RAD52: variants seen among roughly 807,000 people sequenced by gnomAD.
The protein encoded by RAD52 is RAD52 DNA repair protein.
Under a neutral mutation model 55.5 loss-of-function variants are expected in RAD52, and 47 were observed. The ratio of observed to expected loss-of-function variants is 0.85; its 90% CI spans 0.67 to 1.08. RAD52 has a LOEUF of 1.08. Among genes scored for constraint, RAD52 ranks in the 50% least tolerant of loss-of-function variants. RAD52 has a pLI of 0.00. For missense variants in RAD52, 468 were observed against 522.8 expected, an observed-to-expected ratio of 0.90 and a Z score of 1.02; for synonymous variants, 184 against 198.9, an observed-to-expected ratio of 0.92 and a Z score of 0.63.
intron 1 of RAD52, 112 bp downstream of exon 1, chr12:949,490 A>T (rs1958447945): frequency 6.6e-6 from 1 of 152,554 alleles, no homozygotes; most frequent in East Asian, 1.9e-4. Flanking sequence ...CTGAGACCTC[A>T]GGATCAGGTC....
At chr12:940,560 C>T (rs1245456404) in intron 1 of RAD52, among the ~76,000 whole-genome samples, 1 of 151,886 alleles carries the variant, frequency 6.6e-6, no homozygotes, top group Non-Finnish European at 1.5e-5. Context: ...TTGCAGTGAG[C>T]CAAGATTGCG....
chr12:927,099 G>C, intron 6 of RAD52, 46 bp downstream of exon 6: 1 of 1,574,382 alleles, frequency 6.4e-7, no homozygotes, highest in Non-Finnish European at 8.7e-7. Flanking sequence ...CTGCTCTGAA[G>C]CAAGAGCTGA....
At chr12:924,428 A>C (rs1461563845) in intron 7 of RAD52, among the ~76,000 whole-genome samples, 1 of 152,254 alleles carries the variant, frequency 6.6e-6, no homozygotes, top group Non-Finnish European at 1.5e-5. Context: ...AAGTCTAACA[A>C]AATATTAGCA....
At chr12:950,904 C>T (rs1017602813), upstream of RAD52, among the ~76,000 whole-genome samples, 1 of 152,076 alleles carries the variant, frequency 6.6e-6, no homozygotes, top group Non-Finnish European at 1.5e-5. Flanking sequence ...CCCCCAGCCC[C>T]TTATTCCCCA....
intron 1 of RAD52, among the ~76,000 whole-genome samples, chr12:984,482 G>T (rs1165494992): frequency 6.6e-6 from 1 of 152,022 alleles, no homozygotes; most frequent in Non-Finnish European, 1.5e-5. Context: ...ATATGCATGT[G>T]AGCCACCGTG....
chr12:930,245 G>A (rs1359812257), intron 3 of RAD52, 101 bp from the exon 4 acceptor site: 4 of 968,242 alleles, frequency 4.1e-6, no homozygotes, highest in Admixed American at 4.8e-5. Flanking sequence ...TACTTTTTTC[G>A]ATAAACTGTC....
intron 5 of RAD52, among the ~76,000 whole-genome samples, chr12:927,858 T>A (rs746964155): frequency 1.3e-4 from 20 of 151,308 alleles, no homozygotes; most frequent in Non-Finnish European, 2.4e-4. Flanking sequence ...AGAGTGAGAC[T>A]ACGTCTTGGA....
upstream of RAD52, among the ~76,000 whole-genome samples, chr12:950,422 T>A (rs1958496527): frequency 6.6e-6 from 1 of 151,116 alleles, no homozygotes; most frequent in Admixed American, 6.6e-5. Context: ...ATACAAAAAA[T>A]TAGCCGGGCG....
At chr12:916,115 A>T in intron 9 of RAD52, 4 of 1,195,650 alleles carry the variant, frequency 3.3e-6, no homozygotes, top group Non-Finnish European at 4.3e-6. Context: ...AGGCCCACTT[A>T]GTTCCACGGG....
intron 1 of RAD52, among the ~76,000 whole-genome samples, chr12:973,214 C>T (rs543616465): frequency 5.3e-5 from 8 of 151,954 alleles, no homozygotes; most frequent in African/African-American, 9.7e-5. Flanking sequence ...GGACTACAGG[C>T]GCCCGCCACC....
At chr12:985,622 A>G (rs929770923) in intron 1 of RAD52, among the ~76,000 whole-genome samples, 1 of 152,160 alleles carries the variant, frequency 6.6e-6, no homozygotes, top group African/African-American at 2.4e-5. Context: ...TATGGGTTCA[A>G]CTTCATTCTT....
chr12:949,901 T>G (rs183863115), upstream of RAD52, among the ~76,000 whole-genome samples: 1 of 152,184 alleles, frequency 6.6e-6, no homozygotes. Flanking sequence ...GCCGCTTCCC[T>G]GCGCGCCCTC....
At chr12:982,965 T>G (rs191719341) in intron 1 of RAD52, among the ~76,000 whole-genome samples, 1 of 152,258 alleles carries the variant, frequency 6.6e-6, no homozygotes, top group African/African-American at 2.4e-5. Flanking sequence ...TTCTCTTGCC[T>G]CAGCCTCCCC....
chr12:911,859 C>T lies in RAD52; in HGVS notation c.*1532G>A, dbSNP rs1310769015. On this transcript the variant is annotated 3_prime_UTR_variant, in exon 12 of 12. Coordinates refer to ENST00000358495, the MANE Select transcript of RAD52 (RefSeq NM_134424.4). ...ACATGGAGAAACCCCGTCTCCTCTA[C>T]TAAAAATACAAAAATTAGTCGGGCG... 7.3e-6 allele frequency among the ~76,000 whole-genome samples: 1 copy of T among 137,494 alleles called. No homozygotes were observed. The highest frequency in any genetic ancestry group is 1.6e-5 in the Non-Finnish European group (1 of 62,392). The allele number at this position is 137,494 out of a possible 152,430, so 90.2% of individuals were successfully genotyped here. A position where few individuals can be genotyped will look rare whatever the true frequency, so the allele number is the denominator to read the frequency against.
chr12:929,454 A>G (rs370615062), intron 5 of RAD52, among the ~76,000 whole-genome samples: 2 of 152,194 alleles, frequency 1.3e-5, no homozygotes, highest in African/African-American at 2.4e-5. Context: ...GTTTTCATCA[A>G]TGTTATAACA....
chr12:978,015 G>A (rs1199828885), intron 1 of RAD52, among the ~76,000 whole-genome samples: 1 of 152,208 alleles, frequency 6.6e-6, no homozygotes, highest in Admixed American at 6.5e-5. Context: ...TACAATGACA[G>A]TGACATTGAC....
rs1231485203 is a variant in RAD52 at position 912,737 on chromosome 12, AAAAAAAAAC to A, written c.*645_*653del. The A allele has an allele frequency of 8.3e-4, 116 of 139,308 alleles. 2 individuals carry two copies. Among genetic ancestry groups the A allele is most frequent in the African/African-American group, 2.6e-3 (89 of 34,564 alleles). The allele number at this position is 139,308 out of a possible 1,614,324, so 8.6% of individuals were successfully genotyped here. ...GACCCCGTCTCAAAAAAAAAAAAAA[AAAAAAAAAC>A]AAAAAACAGCCTTTTTTCGTGGTCT... On this transcript the variant is annotated 3_prime_UTR_variant, in exon 12 of 12. Coordinates refer to ENST00000358495, the MANE Select transcript of RAD52 (RefSeq NM_134424.4).
Position 970,290 on chromosome 12 carries a change from G to A in RAD52, c.-19+19519C>T, listed in dbSNP as rs1413000052. Among the ~76,000 whole-genome samples, 8 of 122,102 alleles carry A rather than the reference G, an allele frequency of 6.6e-5. No homozygotes were observed. The Admixed American group carries it at 7.7e-4, about 12-fold the overall frequency. The allele number at this position is 122,102 out of a possible 152,430, so 80.1% of individuals were successfully genotyped here. A position where few individuals can be genotyped will look rare whatever the true frequency, so the allele number is the denominator to read the frequency against. ...GTTGAGATGGCACTACTGCACTCCA[G>A]CCTGGGCAACAGAACAAGACATCAT... On this transcript the variant is annotated intron_variant, in intron 1 of 11. Transcript: ENST00000430095.
intron 1 of RAD52, among the ~76,000 whole-genome samples, chr12:970,737 C>T (rs190373011): frequency 1.2e-4 from 18 of 152,174 alleles, no homozygotes; most frequent in Non-Finnish European, 2.2e-4. Context: ...AGTAAGTAGG[C>T]GGTCCATGAG....
Sources: gnomAD v4.1 joint callset for allele counts (sites outside exome capture counted in the v4.1 genomes callset) on GRCh38, gnomAD v4.1.1 for gene constraint, MANE v1.5 for transcripts, NCBI Gene and HGNC (gene_info 2026-07-23, HGNC 2026-07-21) for gene names.